DNAH7: variants seen among roughly 807,000 people sequenced by gnomAD.
DNAH7 encodes axonemal beta dynein heavy chain 7.
DNAH7 carries 397 observed loss-of-function variants against 444.6 expected under a neutral mutation model. The ratio of observed to expected loss-of-function variants is 0.89; its 90% CI spans 0.82 to 0.97. The LOEUF is 0.97. Among genes scored for constraint, DNAH7 ranks in the 50% least tolerant of loss-of-function variants. DNAH7 has a pLI of 0.00. For synonymous variants in DNAH7, 1,636 were observed against 1,624.4 expected (o/e 1.01, Z -0.17); for missense variants, 4,902 against 4,800.8 (o/e 1.02, Z -0.62).
At chr2:195,807,618 T>A (rs1310984922) in intron 53 of DNAH7, among the ~76,000 whole-genome samples, 1 of 152,178 alleles carries the variant, frequency 6.6e-6, no homozygotes, top group African/African-American at 2.4e-5. Flanking sequence ...CTTGAGAATG[T>A]GTGTAATGAA....
intron 19 of DNAH7, among the ~76,000 whole-genome samples, chr2:195,945,737 A>T (rs1443350049): frequency 3.3e-5 from 5 of 152,172 alleles, no homozygotes; most frequent in Non-Finnish European, 7.3e-5. Context: ...CAACAGAAAG[A>T]ATAGTGTTAT....
chr2:196,035,410 C>G (rs1221523548), intron 5 of DNAH7, among the ~76,000 whole-genome samples: 2 of 152,180 alleles, frequency 1.3e-5, no homozygotes, highest in African/African-American at 4.8e-5. Flanking sequence ...TTTGCACCAC[C>G]TCTAAGGCAC....
intron 12 of DNAH7, chr2:195,995,274 T>C (rs552494875): frequency 1.3e-5 from 6 of 453,296 alleles, no homozygotes; most frequent in South Asian, 1.1e-4. Flanking sequence ...GTTGGTGATA[T>C]CATAAGTCCT....
chr2:196,004,878 T>C (rs555737380), intron 10 of DNAH7, among the ~76,000 whole-genome samples: 1 of 144,706 alleles, frequency 6.9e-6, no homozygotes, highest in South Asian at 2.2e-4. Context: ...GGAGGATGGC[T>C]TGGGCCCAGG....
chr2:196,030,294 T>C (rs1011027773), intron 5 of DNAH7, among the ~76,000 whole-genome samples: 4 of 152,306 alleles, frequency 2.6e-5, no homozygotes, highest in African/African-American at 9.6e-5. Context: ...AGGAATAATA[T>C]GGGAGAAACC....
intron 32 of DNAH7, 127 bp from the exon 33 acceptor site, chr2:195,888,561 T>G (rs1295560600): frequency 9.3e-7 from 1 of 1,076,256 alleles, no homozygotes; most frequent in African/African-American, 1.6e-5. Context: ...TTATATAATT[T>G]CATGATGTCG....
intron 64 of DNAH7, among the ~76,000 whole-genome samples, chr2:195,740,043 G>A (rs1251115306): frequency 6.6e-6 from 1 of 152,100 alleles, no homozygotes; most frequent in Admixed American, 6.5e-5. Context: ...GAGTGCAATG[G>A]TGCGATCTAA....
chr2:196,057,440 G>A (rs1221234570), intron 2 of DNAH7, among the ~76,000 whole-genome samples: 4 of 152,010 alleles, frequency 2.6e-5, no homozygotes, highest in African/African-American at 9.7e-5. Context: ...TTTCATTTCA[G>A]GTTTACTTAT....
At chr2:196,050,929 C>T (rs981074844) in intron 3 of DNAH7, among the ~76,000 whole-genome samples, 2 of 152,188 alleles carry the variant, frequency 1.3e-5, no homozygotes, top group African/African-American at 4.8e-5. Context: ...TTTACTCCAA[C>T]GCTAATACTC....
chr2:195,778,618 G>GGGAAAAAAAAAAAAA (rs1365539221), intron 58 of DNAH7, among the ~76,000 whole-genome samples: 1 of 21,790 alleles, frequency 4.6e-5, no homozygotes, highest in African/African-American at 2.0e-4. Flanking sequence ...GACCCTGTCT[G>GGGAAAAAAAAAAAAA]AAAAAAAAAA....
At chr2:195,958,184 T>C (rs920724083) in intron 18 of DNAH7, among the ~76,000 whole-genome samples, 3 of 152,110 alleles carry the variant, frequency 2.0e-5, no homozygotes, top group Non-Finnish European at 4.4e-5. Flanking sequence ...CCCCCTCTTC[T>C]GCTTCTGCCA....
intron 10 of DNAH7, among the ~76,000 whole-genome samples, chr2:196,011,271 T>C (rs1694714385): frequency 6.6e-6 from 1 of 152,162 alleles, no homozygotes; most frequent in African/African-American, 2.4e-5. Flanking sequence ...CATTAATATA[T>C]GTACCCTATA....
At position 195,738,134 on chromosome 2, in the gene DNAH7, G is replaced by GAAAGT; in HGVS notation, c.11869-12_11869-8dup. 6.2e-7 allele frequency: 1 copy of GAAAGT among 1,612,426 alleles called. No individual in the cohort carries two copies. The highest frequency in any genetic ancestry group is 8.5e-7 in the Non-Finnish European group (1 of 1,178,668). The stretch of plus-strand genomic sequence containing the variant: ...TACAGGGCTTTAGCCACATCTGGAA[G>GAAAGT]AAAGTACATAACACCTCTTTAAGTC... On this transcript the variant is annotated splice_region_variant and splice_polypyrimidine_tract_variant and intron_variant, in intron 64 of 64. Coordinates refer to ENST00000312428, the MANE Select transcript of DNAH7 (RefSeq NM_018897.3).
Position 195,855,862 on chromosome 2 carries a change from A to T in DNAH7, c.8544T>A (p.Leu2848=). 3 of 1,614,002 alleles carry T rather than the reference A, an allele frequency of 1.9e-6. No individual in the cohort carries two copies. The highest frequency in any genetic ancestry group is 2.5e-6 in the Non-Finnish European group (3 of 1,179,944). The change falls in exon 45 of 65, where the codon CTT becomes CTA. Residue 2848 remains leucine, a synonymous_variant. Coordinates refer to ENST00000312428, the MANE Select transcript of DNAH7 (RefSeq NM_018897.3). ...LKEVQDKLAR[L]QDTLELNKQK... is the part of the protein sequence containing the mutation. ...GTTTATTTAATTCAAGTGTGTCTTG[A>T]AGCCTGGCCAGCTTGTCCTGAACTT...
intron 63 of DNAH7, among the ~76,000 whole-genome samples, chr2:195,746,315 G>A (rs1574357082): frequency 1.3e-5 from 2 of 152,172 alleles, no homozygotes; most frequent in Middle Eastern, 3.4e-3. Flanking sequence ...AAATATATAT[G>A]CACCCAATAC....
At chr2:196,038,980 T>TA (rs1485785144) in intron 5 of DNAH7, among the ~76,000 whole-genome samples, 1 of 152,130 alleles carries the variant, frequency 6.6e-6, no homozygotes, top group African/African-American at 2.4e-5. Flanking sequence ...ATCTAGACAG[T>TA]AAATCAACAA....
At position 196,001,748 on chromosome 2, in the gene DNAH7, A is replaced by G. The variant is rs777953199; in HGVS notation, c.1100T>C (p.Leu367Pro). 2 of 1,609,948 alleles carry G rather than the reference A, an allele frequency of 1.2e-6. No homozygotes were observed. Among genetic ancestry groups the G allele is most frequent in the Non-Finnish European group, 1.7e-6 (2 of 1,178,122 alleles). ...LESFFNCAAA[L>P]MTLQLQDLTL... is the part of the protein sequence containing the mutation. ...GAGGTCCTGCAGCTGTAAAGTCATA[A>G]GTGCAGCAGCACAGTTGAAAAAAGA... is the stretch of plus-strand genomic sequence containing the variant. Residue 367 changes from leucine to proline, a missense_variant, in exon 11 of 65, where the codon CTT (leucine) becomes CCT (proline). Physicochemically the swap from Leu to Pro is moderately conservative, Grantham distance 98 (BLOSUM62 -3). Transcript: ENST00000312428.
At chr2:195,826,427 A>G (rs1439495844) in intron 48 of DNAH7, among the ~76,000 whole-genome samples, 1 of 152,240 alleles carries the variant, frequency 6.6e-6, no homozygotes, top group Non-Finnish European at 1.5e-5. Flanking sequence ...ATAAATCAAA[A>G]TAAATTTTTC....
chr2:195,922,065 G>C (rs1449541200), intron 24 of DNAH7, 23 bp downstream of exon 24: 2 of 1,370,452 alleles, frequency 1.5e-6, no homozygotes, highest in Admixed American at 3.4e-5. Flanking sequence ...ATTTCCAATA[G>C]ATCCTTAAAT....
Sources: allele counts gnomAD v4.1 joint callset (sites outside exome capture counted in the v4.1 genomes callset), GRCh38; gene constraint gnomAD v4.1.1; transcripts MANE v1.5; gene names NCBI Gene and HGNC (gene_info 2026-07-23, HGNC 2026-07-21).